FHIT: variants seen among roughly 807,000 people sequenced by gnomAD.
FHIT encodes bis(5'-adenosyl)-triphosphatase.
FHIT carries 19 observed loss-of-function variants against 17.9 expected under a neutral mutation model. The ratio of observed to expected loss-of-function variants is 1.06; its 90% CI spans 0.74 to 1.56. FHIT has a LOEUF of 1.56. Among genes scored for constraint, FHIT ranks in the 40% most tolerant of loss-of-function variants. The probability of loss-of-function intolerance (pLI) is 0.00; values close to 1 mark genes in which losing one functional copy is unlikely to be tolerated. For synonymous variants in FHIT, 81 were observed against 69.7 expected, an observed-to-expected ratio of 1.16 and a Z score of -0.81; for missense variants, 248 against 189.2, an observed-to-expected ratio of 1.31 and a Z score of -1.82.
chr3:61,219,920 G>A (rs1327632274), intron 1 of FHIT, among the ~76,000 whole-genome samples: 1 of 152,180 alleles, frequency 6.6e-6, no homozygotes. Context: ...TATCCCAGTA[G>A]AAACCTTTCT....
At chr3:60,048,909 G>C (rs557432303) in intron 5 of FHIT, among the ~76,000 whole-genome samples, 3 of 152,168 alleles carry the variant, frequency 2.0e-5, no homozygotes, top group Non-Finnish European at 1.5e-5. Context: ...ACTGAGTCCA[G>C]TATTAACAGT....
At chr3:59,848,067 A>G (rs1310437322) in intron 8 of FHIT, among the ~76,000 whole-genome samples, 2 of 152,210 alleles carry the variant, frequency 1.3e-5, no homozygotes, top group African/African-American at 2.4e-5. Context: ...AACGGCAATC[A>G]GTAATCAGAA....
intron 3 of FHIT, among the ~76,000 whole-genome samples, chr3:60,957,233 C>CTTTTTTTT (rs35221092): frequency 8.8e-4 from 85 of 97,118 alleles, no homozygotes; most frequent in East Asian, 2.9e-3. Context: ...TTCTTTCTTT[C>CTTTTTTTT]TTTTTTTTTT....
chr3:60,115,103 T>A (rs1275060333), intron 5 of FHIT, among the ~76,000 whole-genome samples: 1 of 152,098 alleles, frequency 6.6e-6, no homozygotes, highest in Non-Finnish European at 1.5e-5. Flanking sequence ...CAGAAGAAAC[T>A]TTTATCTGGA....
At chr3:60,614,075 G>A (rs1176554301) in intron 4 of FHIT, among the ~76,000 whole-genome samples, 1 of 152,104 alleles carries the variant, frequency 6.6e-6, no homozygotes, top group Non-Finnish European at 1.5e-5. Context: ...GGCAAGCAAA[G>A]TGGCAGCATT....
intron 7 of FHIT, among the ~76,000 whole-genome samples, chr3:59,928,647 T>C (rs1041872473): frequency 7.9e-5 from 12 of 152,304 alleles, no homozygotes; most frequent in Middle Eastern, 3.4e-3. Context: ...TCAACATCCT[T>C]AGCCCAAAAC....
rs916006745 is a variant in FHIT, at chr3:61,042,946, C to T, written c.-163-847G>A. Among the ~76,000 whole-genome samples, 3 of 152,072 alleles carry T rather than the reference C, an allele frequency of 2.0e-5. No homozygotes were observed. The South Asian group carries it at 6.2e-4, about 32-fold the overall frequency. On this transcript the variant is annotated intron_variant, in intron 2 of 9. Coordinates refer to ENST00000492590, the MANE Select transcript of FHIT (RefSeq NM_002012.4). ...GCATCAAAAAGGTTAAGAACAGAAA[C>T]AAATTAAAACATACAAAATTTTTTT...
At chr3:60,470,079 T>TCTCTCTCTCTCTCTCC (rs2033012703) in intron 5 of FHIT, among the ~76,000 whole-genome samples, 1 of 151,062 alleles carries the variant, frequency 6.6e-6, no homozygotes, top group South Asian at 2.1e-4. Context: ...TCTCTCTCTC[T>TCTCTCTCTCTCTCTCC]CCAGAGCTGC....
chr3:61,219,573 CT>C (rs2039780918), intron 1 of FHIT, among the ~76,000 whole-genome samples: 1 of 152,182 alleles, frequency 6.6e-6, no homozygotes, highest in South Asian at 2.1e-4. Context: ...CCACTTCCCA[CT>C]TTCCTCATGC....
At chr3:60,695,441 G>T (rs1438651784) in intron 4 of FHIT, among the ~76,000 whole-genome samples, 5 of 152,188 alleles carry the variant, frequency 3.3e-5, no homozygotes, top group Non-Finnish European at 7.3e-5. Flanking sequence ...TCATTTGTAT[G>T]AGAACTTATG....
chr3:61,216,225 A>G (rs114640551), intron 1 of FHIT, among the ~76,000 whole-genome samples: 8,016 of 152,286 alleles, frequency 0.053, 366 homozygotes, highest in African/African-American at 0.12. Flanking sequence ...AATCGGAGAA[A>G]ATGTTTGCAA....
intron 5 of FHIT, among the ~76,000 whole-genome samples, chr3:60,175,274 C>T (rs544942319): frequency 6.6e-6 from 1 of 152,292 alleles, no homozygotes; most frequent in African/African-American, 2.4e-5. Context: ...AGCTAAACTA[C>T]ACATATTGCT....
chr3:59,751,232 T>TTCTCTCTC (rs10577548), intron 9 of FHIT: 10,835 of 176,164 alleles, frequency 0.062, 960 homozygotes, highest in African/African-American at 0.2. Flanking sequence ...ATAGATACAT[T>TTCTCTCTC]TCTCTCTCTC....
intron 3 of FHIT, among the ~76,000 whole-genome samples, chr3:61,005,590 T>C (rs975914709): frequency 6.6e-6 from 1 of 152,128 alleles, no homozygotes; most frequent in South Asian, 2.1e-4. Flanking sequence ...CAGTATATAG[T>C]TGAAGTAGTG....
chr3:59,880,816 C>A (rs1441318497), intron 8 of FHIT, among the ~76,000 whole-genome samples: 1 of 152,166 alleles, frequency 6.6e-6, no homozygotes, highest in Non-Finnish European at 1.5e-5. Context: ...GAGTCACCTT[C>A]ATCATTCCAG....
intron 4 of FHIT, among the ~76,000 whole-genome samples, chr3:60,649,538 A>G (rs2107804532): frequency 6.6e-6 from 1 of 152,342 alleles, no homozygotes; most frequent in Non-Finnish European, 1.5e-5. Context: ...ATGTAATACT[A>G]TACTGAAATT....
chr3:60,612,532 C>A (rs1272684297), intron 4 of FHIT, among the ~76,000 whole-genome samples: 1 of 152,180 alleles, frequency 6.6e-6, no homozygotes, highest in Non-Finnish European at 1.5e-5. Context: ...TTATTGGATA[C>A]TTTTCAATTT....
At chr3:60,154,143 C>G (rs568771162) in intron 5 of FHIT, among the ~76,000 whole-genome samples, 6 of 152,344 alleles carry the variant, frequency 3.9e-5, no homozygotes, top group Non-Finnish European at 7.4e-5. Flanking sequence ...TGTTCCATTA[C>G]TGGAATGCCA....
chr3:60,331,420 G>A (rs964454793), intron 5 of FHIT, among the ~76,000 whole-genome samples: 16 of 152,126 alleles, frequency 1.1e-4, no homozygotes, highest in African/African-American at 3.6e-4. Flanking sequence ...TCACCTTGGG[G>A]TCAGGAACTT....
Sources: gnomAD v4.1 joint callset for allele counts (sites outside exome capture counted in the v4.1 genomes callset) on GRCh38, gnomAD v4.1.1 for gene constraint, MANE v1.5 for transcripts, NCBI Gene and HGNC (gene_info 2026-07-23, HGNC 2026-07-21) for gene names.